ZNF433: variants seen among roughly 807,000 people sequenced by gnomAD.
The protein encoded by ZNF433 is zinc finger protein 433.
ZNF433 carries 12 observed loss-of-function variants against 10.6 expected under a neutral mutation model. That is an observed-to-expected ratio of 1.13 (90% CI 0.72 to 1.83). The LOEUF (loss-of-function observed/expected upper bound fraction) is 1.83, where lower values mean the gene tolerates loss of function less well. ZNF433 is among the 40% of genes most tolerant of loss of function. The pLI, the probability that ZNF433 is intolerant of heterozygous loss-of-function variation, is 0.00. For missense variants in ZNF433, 737 were observed against 798.0 expected, an observed-to-expected ratio of 0.92 and a Z score of 0.92; for synonymous variants, 272 against 271.3, an observed-to-expected ratio of 1.00 and a Z score of -0.02.
chr19:12,024,179 C>T (rs1974628978), intron 1 of ZNF433: 1 of 152,130 alleles, frequency 6.6e-6, no homozygotes, highest in Admixed American at 6.6e-5. Context: ...AAGAAAACAT[C>T]AGGTAAACGG....
rs1974291398 is a variant in ZNF433 at position 12,017,925 on chromosome 19, T to C, written c.142A>G (p.Lys48Glu). The change falls in exon 3 of 4, where the codon AAA (lysine) becomes GAA (glutamate). Residue 48 changes from lysine to glutamate, a missense_variant. Physicochemically the swap from Lys to Glu is moderately conservative, Grantham distance 56. Transcript: ENST00000550507. ...TACTCTACATATATGTTCTGGGGTT[T>C]CCATTTTTTCCCTACAACACACAAC... ...RNLASIGKKWKPQNIYVEYEN... is the reference protein window; with the variant it reads ...RNLASIGKKWEPQNIYVEYEN... The C allele has an allele frequency of 6.3e-7, 1 of 1,583,084 alleles. No individual in the cohort carries two copies. The highest frequency in any genetic ancestry group is 1.4e-5 in the African/African-American group (1 of 73,070).
chr19:12,016,527 T>C lies in ZNF433; in HGVS notation c.331A>G (p.Ser111Gly). ...CESSVYGEVG[S>G]AHSSLNRHIR... ...TGCCTATTAAGAGATGAATGAGCACTGCCTACTTCTCCATACACACTGCTT... is the reference window on the plus strand; with the variant it reads ...TGCCTATTAAGAGATGAATGAGCACCGCCTACTTCTCCATACACACTGCTT... Residue 111 changes from serine (S) to glycine (G), a missense_variant, in exon 4 of 4, where the codon AGT becomes GGT. Physicochemically the swap from Ser to Gly is moderately conservative, Grantham distance 56. Transcript: ENST00000550507. The C allele has an allele frequency of 3.7e-6, 6 of 1,614,202 alleles. No individual in the cohort carries two copies. Among genetic ancestry groups the C allele is most frequent in the Non-Finnish European group, 5.1e-6 (6 of 1,180,040 alleles).
chr19:12,015,432 C>G lies in ZNF433; in HGVS notation c.1426G>C (p.Glu476Gln). ...AATGTTTTCCCATAACCCTTACATT[C>G]ATACGGCTTCTCTTCTCTGTGCATC... ...ERMHREEKPY[E>Q]CKGYGKTFSL... The change falls in exon 4 of 4, where the codon GAA (glutamate) becomes CAA (glutamine). Residue 476 changes from glutamate (E) to glutamine (Q), a missense_variant. Physicochemically the swap from Glu to Gln is conservative, Grantham distance 29. Transcript: ENST00000550507. 1 of 1,614,012 alleles carries G rather than the reference C, an allele frequency of 6.2e-7. No individual in the cohort carries two copies. Among genetic ancestry groups the G allele is most frequent in the South Asian group, 1.1e-5 (1 of 91,072 alleles).
At chr19:12,030,117 C>T (rs935827181) in intron 1 of ZNF433, 5 of 383,618 alleles carry the variant, frequency 1.3e-5, no homozygotes, top group Non-Finnish European at 2.0e-5. Flanking sequence ...TAGCCATCTG[C>T]AAACCAGGAA....
Position 12,014,735 on chromosome 19 carries a change from T to TA in ZNF433, c.*109_*110insT, listed in dbSNP as rs764567045. 4 of 830,070 alleles carry TA rather than the reference T, an allele frequency of 4.8e-6. No homozygotes were observed. The highest frequency in any genetic ancestry group is 7.1e-6 in the Non-Finnish European group (4 of 564,940). 51.4% of individuals were successfully genotyped at this position (830,070 alleles called of 1,614,324 possible). ...TGCCATTACCACCAACTGGAAGTCT[T>TA]TTTATTTATTTATTTAATTTTTATA... On this transcript the variant is annotated 3_prime_UTR_variant, in exon 4 of 4. Transcript: ENST00000550507.
At position 12,017,876 on chromosome 19, in the gene ZNF433, C is replaced by G. The variant is rs1211063843; in HGVS notation, c.191G>C (p.Arg64Thr). ...VEYENLRRNL[R>T]IVGERLFESK... ...TCTTTGTCATGTGAGTGCAAGTTAC[C>G]TTAGGTTTCTCCTTAGATTTTCGTA... Residue 64 changes from arginine (R) to threonine (T), a missense_variant and splice_region_variant, in exon 3 of 4, where the codon AGA becomes ACA. Coordinates refer to ENST00000550507, the MANE Select transcript of ZNF433 (RefSeq NM_001308348.2). The G allele has an allele frequency of 7.0e-6, 11 of 1,580,714 alleles. No homozygotes were observed. The highest frequency in any genetic ancestry group is 2.6e-6 in the Non-Finnish European group (3 of 1,166,730).
chr19:12,016,680 G>C lies in ZNF433; in HGVS notation c.192-14C>G, dbSNP rs371275637. The C allele has an allele frequency of 1.2e-6, 2 of 1,609,860 alleles. No individual in the cohort carries two copies. The highest frequency in any genetic ancestry group is 1.7e-6 in the Non-Finnish European group (2 of 1,178,642). On this transcript the variant is annotated splice_polypyrimidine_tract_variant and intron_variant, in intron 3 of 3. Transcript: ENST00000550507. ...TCTCCCACAATTCTGTGAACAATAA[G>C]AAGTACATTATAATGGGTTTGATTA...
rs1405319020 is a variant in ZNF433 at position 12,035,630 on chromosome 19, G to A, written c.-91C>T. 17 of 1,512,394 alleles carry A rather than the reference G, an allele frequency of 1.1e-5. No homozygotes were observed. Among genetic ancestry groups the A allele is most frequent in the Non-Finnish European group, 1.4e-5 (16 of 1,120,886 alleles). The allele number at this position is 1,512,394 out of a possible 1,614,324, so 93.7% of individuals were successfully genotyped here. On this transcript the variant is annotated 5_prime_UTR_variant, in exon 1 of 4. Coordinates refer to ENST00000550507, the MANE Select transcript of ZNF433 (RefSeq NM_001308348.2). ...AGAGGCACCTGAACCCTCTCGGAGG[G>A]GAAAGCCAGGCTCCCAACCTCAGCT...
chr19:12,030,052 A>C, intron 1 of ZNF433: 1 of 321,686 alleles, frequency 3.1e-6, no homozygotes, highest in Non-Finnish European at 5.8e-6. Context: ...ACTGCACTCC[A>C]GCCTGGGTGA....
chr19:12,031,301 A>AC (rs1030106440), intron 1 of ZNF433, among the ~76,000 whole-genome samples: 1 of 138,482 alleles, frequency 7.2e-6, no homozygotes, highest in African/African-American at 3.4e-5. Context: ...TCTCAAAAAA[A>AC]AAAAAAAAAC....
intron 1 of ZNF433, chr19:12,026,571 ATGACAC>A: frequency 2.5e-6 from 1 of 400,348 alleles, no homozygotes; most frequent in Non-Finnish European, 5.0e-6. Context: ...TGATCACTCT[ATGACAC>A]AGTTACACAT....
chr19:12,015,706 A>G lies in ZNF433; in HGVS notation c.1152T>C (p.Thr384=). 1.2e-6 allele frequency: 2 copies of G among 1,613,610 alleles called. No individual in the cohort carries two copies. Among genetic ancestry groups the G allele is most frequent in the Non-Finnish European group, 1.7e-6 (2 of 1,179,898 alleles). The change falls in exon 4 of 4, where the codon ACT becomes ACC. Residue 384 remains threonine (T), a synonymous_variant. Coordinates refer to ENST00000550507, the MANE Select transcript of ZNF433 (RefSeq NM_001308348.2). ...ATTTATAGGGTTTCTCTCCAGTGTGAGTTTTTTCATGTGTTTGAAGTGAAC... is the reference window on the plus strand; with the variant it reads ...ATTTATAGGGTTTCTCTCCAGTGTGGGTTTTTTCATGTGTTTGAAGTGAAC... ...SPSSLQTHEK[T]HTGEKPYKCN...
intron 1 of ZNF433, 77 bp downstream of exon 1, chr19:12,035,460 G>A: frequency 1.3e-6 from 2 of 1,541,248 alleles, no homozygotes; most frequent in Admixed American, 2.0e-5. Context: ...GGGGAGGCCC[G>A]GGTCCCACCA....
At position 12,016,617 on chromosome 19, in the gene ZNF433, C is replaced by T. The variant is rs565686137; in HGVS notation, c.241G>A (p.Glu81Lys). Residue 81 changes from glutamate to lysine, a missense_variant, in exon 4 of 4, where the codon GAA becomes AAA. Physicochemically the swap from Glu to Lys is moderately conservative, Grantham distance 56 (BLOSUM62 1). Transcript: ENST00000550507. Reference protein sequence around the residue: ...FESKEGHQHGEILTQVPDDML... With the variant: ...FESKEGHQHGKILTQVPDDML... ...TCATCTGGAACCTGGGTCAAAATTT[C>T]TCCATGCTGATGACCTTCTTTACTT... 2 of 1,614,038 alleles carry T rather than the reference C, an allele frequency of 1.2e-6. No homozygotes were observed. Among genetic ancestry groups the T allele is most frequent in the Non-Finnish European group, 8.5e-7 (1 of 1,180,034 alleles).
chr19:12,031,599 G>A (rs1200219814), intron 1 of ZNF433, among the ~76,000 whole-genome samples: 9 of 152,100 alleles, frequency 5.9e-5, no homozygotes, highest in East Asian at 1.9e-4. Flanking sequence ...AGCCAAGATC[G>A]TGCCACTGCA....
At position 12,015,404 on chromosome 19, in the gene ZNF433, C is replaced by G. The variant is rs771909694; in HGVS notation, c.1454G>C (p.Ser485Thr). 1 of 1,614,136 alleles carries G rather than the reference C, an allele frequency of 6.2e-7. No homozygotes were observed. Among genetic ancestry groups the G allele is most frequent in the Non-Finnish European group, 8.5e-7 (1 of 1,180,008 alleles). ...YECKGYGKTF[S>T]LPSLFHRHER... ...ATGTCTATGAAATAAACTGGGCAAA[C>G]TGAATGTTTTCCCATAACCCTTACA... is the stretch of plus-strand genomic sequence containing the variant. The change falls in exon 4 of 4, where the codon AGT becomes ACT. Residue 485 changes from serine (S) to threonine (T), a missense_variant. Ser to Thr is a moderately conservative substitution (Grantham distance 58, BLOSUM62 1). Transcript: ENST00000550507.
At chr19:12,023,521 T>A (rs948538088) in intron 1 of ZNF433, 1 of 152,208 alleles carries the variant, frequency 6.6e-6, no homozygotes, top group South Asian at 2.1e-4. Context: ...AGCAGCTTAC[T>A]GGGTGAATCA....
intron 1 of ZNF433, among the ~76,000 whole-genome samples, chr19:12,019,147 AT>A (rs1316365157): frequency 6.6e-6 from 1 of 151,882 alleles, no homozygotes; most frequent in Non-Finnish European, 1.5e-5. Context: ...GTGGCCAGGC[AT>A]GGTGGCTCAT....
chr19:12,026,495 GAC>G (rs753271137), intron 1 of ZNF433: 2 of 346,328 alleles, frequency 5.8e-6, no homozygotes, highest in Non-Finnish European at 1.1e-5. Flanking sequence ...AACAAGGGCT[GAC>G]ACAGAGAACA....
Sources: gnomAD v4.1 joint callset for allele counts (sites outside exome capture counted in the v4.1 genomes callset) on GRCh38, gnomAD v4.1.1 for gene constraint, MANE v1.5 for transcripts, NCBI Gene and HGNC (gene_info 2026-07-23, HGNC 2026-07-21) for gene names.